The following DNAH11 variants were observed in gnomAD, a reference collection of about 807,000 sequenced individuals.
DNAH11 encodes axonemal beta dynein heavy chain 11.
In DNAH11, 442 loss-of-function variants were observed where a neutral mutation model predicts 526.0. The observed-to-expected ratio is 0.84, with a 90% CI of 0.78 to 0.91. DNAH11 has a LOEUF of 0.91. DNAH11 is among the 40% of genes least tolerant of loss of function. The pLI is 0.00. For missense variants in DNAH11, 6,989 were observed against 5,448.7 expected (o/e 1.28, Z -8.90); for synonymous variants, 2,461 against 1,935.9 (o/e 1.27, Z -7.12).
chr7:21,720,021 G>C (rs1406564821), intron 43 of DNAH11, among the ~76,000 whole-genome samples: 2 of 152,230 alleles, frequency 1.3e-5, no homozygotes, highest in African/African-American at 4.8e-5. Flanking sequence ...CTAAGCATGG[G>C]CTAGGTACAT....
intron 56 of DNAH11, among the ~76,000 whole-genome samples, chr7:21,776,934 ACG>A (rs937085522): frequency 7.0e-5 from 6 of 85,118 alleles, no homozygotes; most frequent in African/African-American, 2.4e-4. Flanking sequence ...TTTTATTTGT[ACG>A]TGTGTGTGTG....
intron 65 of DNAH11, among the ~76,000 whole-genome samples, chr7:21,840,076 G>T (rs1358572928): frequency 6.6e-6 from 1 of 152,142 alleles, no homozygotes; most frequent in Non-Finnish European, 1.5e-5. Context: ...AGACACAAGA[G>T]ACCTAATCTC....
intron 28 of DNAH11, among the ~76,000 whole-genome samples, chr7:21,648,417 A>G (rs1033073818): frequency 2.0e-5 from 3 of 152,276 alleles, no homozygotes; most frequent in Middle Eastern, 6.8e-3. Context: ...AATTTTTTGT[A>G]TATCATCACT....
At chr7:21,788,789 C>T (rs2074328) in intron 60 of DNAH11, among the ~76,000 whole-genome samples, 6,491 of 152,286 alleles carry the variant, frequency 0.043, 285 homozygotes, top group East Asian at 0.25. Context: ...ATAGTTCCTG[C>T]ACAATGCAAT....
chr7:21,820,349 G>A (rs983003421), intron 65 of DNAH11, among the ~76,000 whole-genome samples: 1 of 152,140 alleles, frequency 6.6e-6, no homozygotes. Context: ...GGTGATAGAC[G>A]TATACATGGC....
intron 2 of DNAH11, among the ~76,000 whole-genome samples, chr7:21,553,989 C>G (rs374763176): frequency 6.6e-6 from 1 of 152,056 alleles, no homozygotes; most frequent in African/African-American, 2.4e-5. Context: ...TCCTCTGGAT[C>G]TAATCTGGAG....
chr7:21,611,906 T>C (rs994498554), intron 20 of DNAH11, among the ~76,000 whole-genome samples: 1 of 152,232 alleles, frequency 6.6e-6, no homozygotes, highest in African/African-American at 2.4e-5. Flanking sequence ...ACTCTAGTTA[T>C]TTATAGTGAA....
At chr7:21,700,458 A>G (rs1784008814) in intron 36 of DNAH11, among the ~76,000 whole-genome samples, 1 of 152,240 alleles carries the variant, frequency 6.6e-6, no homozygotes, top group African/African-American at 2.4e-5. Context: ...AATGTTTAGC[A>G]GAGGCACCAA....
At chr7:21,753,726 GC>G (rs1269645973) in intron 54 of DNAH11, among the ~76,000 whole-genome samples, 1 of 152,052 alleles carries the variant, frequency 6.6e-6, no homozygotes, top group Non-Finnish European at 1.5e-5. Context: ...AATTAGTAAA[GC>G]TTTATCATTT....
intron 55 of DNAH11, among the ~76,000 whole-genome samples, chr7:21,769,035 A>G (rs1787304869): frequency 6.6e-6 from 1 of 152,032 alleles, no homozygotes; most frequent in Non-Finnish European, 1.5e-5. Flanking sequence ...TTCAATATGA[A>G]TAAAAAGTAG....
chr7:21,655,694 CTT>C (rs1781981825), intron 28 of DNAH11, 136 bp from the exon 29 acceptor site: 1 of 896,240 alleles, frequency 1.1e-6, no homozygotes, highest in Admixed American at 2.9e-5. Flanking sequence ...TTAGAAGTGA[CTT>C]TTATTTTGAG....
intron 30 of DNAH11, among the ~76,000 whole-genome samples, chr7:21,668,330 TAATAAA>T (rs1362446219): frequency 6.6e-6 from 1 of 152,116 alleles, no homozygotes; most frequent in Non-Finnish European, 1.5e-5. Context: ...TTTTTTAGTA[TAATAAA>T]AATAATATCT....
At chr7:21,845,430 T>TAGA (rs937763051) in intron 66 of DNAH11, among the ~76,000 whole-genome samples, 1 of 152,214 alleles carries the variant, frequency 6.6e-6, no homozygotes, top group African/African-American at 2.4e-5. Flanking sequence ...TGCCTGTGGC[T>TAGA]ATCTAGTTGT....
At chr7:21,780,923 G>A (rs1787916456) in intron 57 of DNAH11, among the ~76,000 whole-genome samples, 1 of 152,178 alleles carries the variant, frequency 6.6e-6, no homozygotes, top group Non-Finnish European at 1.5e-5. Flanking sequence ...GTAACACATT[G>A]AGAAGCTGGA....
chr7:21,816,707 G>C lies in DNAH11; in HGVS notation c.10568+5G>C. The C allele has an allele frequency of 3.1e-6, 5 of 1,612,118 alleles. No homozygotes were observed. Among genetic ancestry groups the C allele is most frequent in the Admixed American group, 1.7e-5 (1 of 59,858 alleles). ...CACACATTTGGGCCAGAAAGGGTAT[G>C]TGAAGTTTGAAGAGACTGGCTTTCT... is the stretch of plus-strand genomic sequence containing the variant. On this transcript the variant is annotated splice_donor_5th_base_variant and intron_variant, in intron 64 of 81. Transcript: ENST00000409508.
intron 65 of DNAH11, among the ~76,000 whole-genome samples, chr7:21,833,469 G>T (rs1781867782): frequency 6.6e-6 from 1 of 152,106 alleles, no homozygotes; most frequent in South Asian, 2.1e-4. Context: ...AAAGTGGATG[G>T]ATCACCTGAG....
intron 45 of DNAH11, among the ~76,000 whole-genome samples, chr7:21,727,328 G>C (rs1194893961): frequency 6.6e-6 from 1 of 152,186 alleles, no homozygotes; most frequent in Non-Finnish European, 1.5e-5. Flanking sequence ...TTGTGAGTTT[G>C]TAAAAATTGA....
At chr7:21,751,157 C>T (rs1368629332) in intron 54 of DNAH11, among the ~76,000 whole-genome samples, 1 of 152,118 alleles carries the variant, frequency 6.6e-6, no homozygotes, top group Admixed American at 6.5e-5. Flanking sequence ...AACCCCATCT[C>T]TACTAAAAAC....
chr7:21,782,938 C>T (rs368711705), intron 57 of DNAH11, among the ~76,000 whole-genome samples: 10 of 150,296 alleles, frequency 6.7e-5, no homozygotes, highest in African/African-American at 2.2e-4. Context: ...AAAGAAAGAG[C>T]ACTTAAAAGA....
Sources: allele counts gnomAD v4.1 joint callset (sites outside exome capture counted in the v4.1 genomes callset), GRCh38; gene constraint gnomAD v4.1.1; transcripts MANE v1.5; gene names NCBI Gene and HGNC (gene_info 2026-07-23, HGNC 2026-07-21).